ARHGAP12: variants seen among roughly 807,000 people sequenced by gnomAD.
ARHGAP12 encodes rho GTPase-activating protein 12.
A neutral mutation model predicts 108.6 loss-of-function variants in ARHGAP12; 64 were observed. That is an observed-to-expected ratio of 0.59 (90% CI 0.48 to 0.73). The LOEUF (loss-of-function observed/expected upper bound fraction) is 0.73, where lower values mean the gene tolerates loss of function less well. Among genes scored for constraint, ARHGAP12 ranks in the 30% least tolerant of loss-of-function variants. The pLI, the probability that ARHGAP12 is intolerant of heterozygous loss-of-function variation, is 0.00. For synonymous variants in ARHGAP12, 312 were observed against 337.2 expected (o/e 0.93, Z 0.82); for missense variants, 940 against 1,005.9 (o/e 0.93, Z 0.89).
At chr10:31,842,650 A>T (rs1020938501) in intron 7 of ARHGAP12, among the ~76,000 whole-genome samples, 3 of 152,176 alleles carry the variant, frequency 2.0e-5, no homozygotes, top group Non-Finnish European at 2.9e-5. Context: ...GACTGAAAGT[A>T]TCCAAACATA....
At chr10:31,904,108 G>C (rs1839029746) in intron 3 of ARHGAP12, among the ~76,000 whole-genome samples, 1 of 152,144 alleles carries the variant, frequency 6.6e-6, no homozygotes, top group Non-Finnish European at 1.5e-5. Context: ...ATACTTGTAG[G>C]CGTTTATCCC....
chr10:31,852,735 T>C (rs896199994), intron 5 of ARHGAP12, 138 bp from the exon 6 acceptor site: 1 of 425,718 alleles, frequency 2.3e-6, no homozygotes, highest in Non-Finnish European at 4.0e-6. Flanking sequence ...AATTCTTTTT[T>C]TTTTTTTTTT....
chr10:31,820,443 C>G lies in ARHGAP12; in HGVS notation c.1576G>C (p.Gly526Arg), dbSNP rs766305615. 2 of 1,611,914 alleles carry G rather than the reference C, an allele frequency of 1.2e-6. No homozygotes were observed. Among genetic ancestry groups the G allele is most frequent in the Admixed American group, 3.4e-5 (2 of 59,700 alleles). The change falls in exon 12 of 20, where the codon GGG becomes CGG. Residue 526 changes from glycine to arginine, a missense_variant. Physicochemically the swap from Gly to Arg is moderately radical, Grantham distance 125. Coordinates refer to ENST00000344936, the MANE Select transcript of ARHGAP12 (RefSeq NM_018287.7). The stretch of plus-strand genomic sequence containing the variant: ...TTTGAAGCCATCTCAATTGTTGCCC[C>G]CTTGAGGTCCACTGTGAACTCTGGT... The part of the protein sequence containing the change: ...SKPEFTVDLK[G>R]ATIEMASKDK...
Position 31,842,048 on chromosome 10 carries a change from G to A in ARHGAP12, c.1296+1413C>T, listed in dbSNP as rs145844998. On this transcript the variant is annotated intron_variant, in intron 7 of 19. Transcript: ENST00000344936. ...GATGAAAGCATGCAAGTTATTTAAA[G>A]CAAGAGATTGAAAATTAATTTTAAA... Among the ~76,000 whole-genome samples the A allele has an allele frequency of 3.7e-3, 557 of 152,154 alleles. 4 individuals carry two copies. The highest frequency in any genetic ancestry group is 0.012 in the African/African-American group (519 of 41,552).
chr10:31,921,597 C>T (rs1839812033), intron 1 of ARHGAP12, among the ~76,000 whole-genome samples: 4 of 151,436 alleles, frequency 2.6e-5, no homozygotes, highest in Non-Finnish European at 5.9e-5. Context: ...AACCCCGTCT[C>T]TACCAAAAAT....
Position 31,810,670 on chromosome 10 carries a change from T to C in ARHGAP12, c.2029A>G (p.Ile677Val). The C allele has an allele frequency of 6.2e-7, 1 of 1,604,258 alleles. No homozygotes were observed. The highest frequency in any genetic ancestry group is 8.5e-7 in the Non-Finnish European group (1 of 1,175,976). Reference protein sequence around the residue: ...GTVPKFVKLCIEHVEEHGLDI... With the variant: ...GTVPKFVKLCVEHVEEHGLDI... Reference sequence around the variant, plus strand: ...TTACCATGTTCTTCAACATGTTCAATACATAACTTCACAAACTTTGGTACT... The same window carrying C: ...TTACCATGTTCTTCAACATGTTCAACACATAACTTCACAAACTTTGGTACT... Residue 677 changes from isoleucine to valine, a missense_variant, in exon 16 of 20, where the codon ATT (isoleucine) becomes GTT (valine). Physicochemically the swap from Ile to Val is conservative, Grantham distance 29. Transcript: ENST00000344936.
chr10:31,823,935 T>C (rs1005048500), intron 11 of ARHGAP12, among the ~76,000 whole-genome samples: 2 of 152,220 alleles, frequency 1.3e-5, no homozygotes, highest in African/African-American at 4.8e-5. Flanking sequence ...ACAGATCTAG[T>C]TGGTGACTGA....
chr10:31,810,108 A>G (rs1156261860), intron 16 of ARHGAP12, among the ~76,000 whole-genome samples: 1 of 152,216 alleles, frequency 6.6e-6, no homozygotes, highest in East Asian at 1.9e-4. Context: ...TGTGATTACA[A>G]TATACTAATG....
chr10:31,906,367 C>T (rs1041518132), intron 3 of ARHGAP12, among the ~76,000 whole-genome samples: 5 of 152,094 alleles, frequency 3.3e-5, no homozygotes, highest in South Asian at 2.1e-4. Context: ...CCTCAAGAAC[C>T]GTGACCCCAA....
In ARHGAP12 at chr10:31,858,715, C is replaced by T. The variant is rs148189250; in HGVS notation, c.948+2680G>A. On this transcript the variant is annotated intron_variant, in intron 4 of 19. Coordinates refer to ENST00000344936, the MANE Select transcript of ARHGAP12 (RefSeq NM_018287.7). ...GGGTAACCACTAAAATAATAAGCTT[C>T]TGTGTTAAGACAGAAGAGCCAACAG... Among the ~76,000 whole-genome samples, 551 of 152,252 alleles carry T rather than the reference C, an allele frequency of 3.6e-3. 4 individuals carry two copies. The highest frequency in any genetic ancestry group is 0.012 in the African/African-American group (513 of 41,548).
At chr10:31,834,270 C>T (rs912379490) in intron 9 of ARHGAP12, among the ~76,000 whole-genome samples, 1 of 152,142 alleles carries the variant, frequency 6.6e-6, no homozygotes, top group African/African-American at 2.4e-5. Flanking sequence ...AAAATTTGTA[C>T]GTTGAAATCT....
intron 11 of ARHGAP12, among the ~76,000 whole-genome samples, chr10:31,822,069 C>T (rs921321549): frequency 1.3e-5 from 2 of 150,688 alleles, no homozygotes; most frequent in Non-Finnish European, 2.9e-5. Flanking sequence ...AATGACATGA[C>T]ATGGAATGCT....
rs773479942 is a variant in ARHGAP12 at position 31,908,677 on chromosome 10, T to C, written c.179A>G (p.Lys60Arg). 24 of 1,614,136 alleles carry C rather than the reference T, an allele frequency of 1.5e-5. No homozygotes were observed. Among genetic ancestry groups the C allele is most frequent in the Non-Finnish European group, 1.9e-5 (23 of 1,180,004 alleles). ...ATACTGGGCTGGCACATAAAACGCT[T>C]TGGAGTTTTCATCTGGCTTGACTTG... ...WWQVKPDENS[K>R]AFYVPAQYVK... is the part of the protein sequence containing the mutation. Residue 60 changes from lysine (K) to arginine (R), a missense_variant, in exon 3 of 20, where the codon AAA becomes AGA. Coordinates refer to ENST00000344936, the MANE Select transcript of ARHGAP12 (RefSeq NM_018287.7).
chr10:31,887,103 G>C (rs1838217673), intron 3 of ARHGAP12, among the ~76,000 whole-genome samples: 1 of 152,138 alleles, frequency 6.6e-6, no homozygotes, highest in Admixed American at 6.5e-5. Context: ...TTTATTTTAA[G>C]GCATTACCTC....
rs751287988 is a variant in ARHGAP12, at chr10:31,840,312, T to C, written c.1297-601A>G. On this transcript the variant is annotated intron_variant, in intron 7 of 19. Transcript: ENST00000344936. ...AACTCCCCAGAAAAAAAAATTTTAATGTCTAAGCCTACAAGAGTATCATAA... is the reference window on the plus strand; with the variant it reads ...AACTCCCCAGAAAAAAAAATTTTAACGTCTAAGCCTACAAGAGTATCATAA... Among the ~76,000 whole-genome samples the C allele has an allele frequency of 1.1e-4, 17 of 151,894 alleles. No homozygotes were observed. In the Middle Eastern group the frequency reaches 0.01, roughly 92 times the overall value.
intron 1 of ARHGAP12, among the ~76,000 whole-genome samples, chr10:31,915,701 AAAAC>A: frequency 6.6e-6 from 1 of 152,358 alleles, no homozygotes; most frequent in East Asian, 1.9e-4. Context: ...TACATAATAA[AAAAC>A]ATACAGTGTT....
In ARHGAP12 at chr10:31,908,261, A is replaced by C; in HGVS notation, c.595T>G (p.Cys199Gly). 2 of 1,614,046 alleles carry C rather than the reference A, an allele frequency of 1.2e-6. No individual in the cohort carries two copies. Among genetic ancestry groups the C allele is most frequent in the Non-Finnish European group, 1.7e-6 (2 of 1,180,012 alleles). ...EKTSFSQEQS[C>G]DSAGEGSERI... The stretch of plus-strand genomic sequence containing the variant: ...TCAGAGCCTTCTCCTGCGGAATCAC[A>C]AGATTGTTCCTGGGAGAAGCTAGTT... Residue 199 changes from cysteine (C) to glycine (G), a missense_variant, in exon 3 of 20, where the codon TGT becomes GGT. Cys to Gly is a radical substitution (Grantham distance 159). Transcript: ENST00000344936.
At chr10:31,840,450 G>A (rs1444535813) in intron 7 of ARHGAP12, among the ~76,000 whole-genome samples, 1 of 151,788 alleles carries the variant, frequency 6.6e-6, no homozygotes, top group Non-Finnish European at 1.5e-5. Context: ...GGGTAAGACT[G>A]AAAAACTTTT....
chr10:31,865,104 A>C (rs563841823), intron 3 of ARHGAP12, among the ~76,000 whole-genome samples: 14 of 152,216 alleles, frequency 9.2e-5, no homozygotes, highest in Non-Finnish European at 1.8e-4. Context: ...GAAAGGCCTA[A>C]GGAAAAGCAA....
Sources: allele counts gnomAD v4.1 joint callset (sites outside exome capture counted in the v4.1 genomes callset), GRCh38; gene constraint gnomAD v4.1.1; transcripts MANE v1.5; gene names NCBI Gene and HGNC (gene_info 2026-07-23, HGNC 2026-07-21).